The following NKAIN2 variants were observed in gnomAD, a reference collection of about 807,000 sequenced individuals.
NKAIN2 encodes sodium/potassium transporting ATPase interacting 2.
NKAIN2 carries 14 observed loss-of-function variants against 32.6 expected under a neutral mutation model. That is an observed-to-expected ratio of 0.43 (90% confidence interval 0.28 to 0.67). NKAIN2 has a LOEUF of 0.67. NKAIN2 is among the 30% of genes least tolerant of loss of function. NKAIN2 has a pLI of 0.17. For missense variants in NKAIN2, 198 were observed against 258.3 expected (o/e 0.77, Z 1.60); for synonymous variants, 80 against 87.2 (o/e 0.92, Z 0.46).
At chr6:124,128,957 G>A (rs2115002121) in intron 1 of NKAIN2, among the ~76,000 whole-genome samples, 1 of 152,234 alleles carries the variant, frequency 6.6e-6, no homozygotes. Context: ...AATACAGCGT[G>A]GTTGTTTCTG....
At chr6:124,087,131 A>G (rs1480119562) in intron 1 of NKAIN2, among the ~76,000 whole-genome samples, 1 of 151,986 alleles carries the variant, frequency 6.6e-6, no homozygotes, top group Non-Finnish European at 1.5e-5. Flanking sequence ...GTAAAAATCA[A>G]TTAATGTAAA....
chr6:124,228,086 T>C (rs1792216919), intron 1 of NKAIN2, among the ~76,000 whole-genome samples: 1 of 152,110 alleles, frequency 6.6e-6, no homozygotes, highest in African/African-American at 2.4e-5. Flanking sequence ...CTTATAAAGG[T>C]ACTAAACTCA....
chr6:124,464,395 A>G (rs1307963386), intron 3 of NKAIN2, among the ~76,000 whole-genome samples: 1 of 150,412 alleles, frequency 6.6e-6, no homozygotes, highest in Non-Finnish European at 1.5e-5. Context: ...CATTTTTTTT[A>G]CTTTCATGGT....
chr6:124,183,920 T>G (rs1304143496), intron 1 of NKAIN2, among the ~76,000 whole-genome samples: 2 of 152,134 alleles, frequency 1.3e-5, no homozygotes, highest in African/African-American at 4.8e-5. Flanking sequence ...GAAATAGTGA[T>G]GAATAGAGAC....
At chr6:124,268,571 A>G (rs2626091) in intron 1 of NKAIN2, among the ~76,000 whole-genome samples, 66,081 of 151,824 alleles carry the variant, frequency 0.44, 16,776 homozygotes, top group African/African-American at 0.7. Flanking sequence ...ATTAGCTGGT[A>G]TTTTGTGTTG....
intron 1 of NKAIN2, among the ~76,000 whole-genome samples, chr6:123,973,308 A>G (rs1056622505): frequency 6.6e-6 from 1 of 152,166 alleles, no homozygotes; most frequent in African/African-American, 2.4e-5. Context: ...TAAAGAAAAC[A>G]TTCCTAAAAG....
intron 2 of NKAIN2, among the ~76,000 whole-genome samples, chr6:124,349,115 A>G (rs1798592332): frequency 6.6e-6 from 1 of 152,098 alleles, no homozygotes; most frequent in Non-Finnish European, 1.5e-5. Context: ...TTATCAGAGG[A>G]CCAGGATAAT....
At chr6:124,488,003 C>T (rs1349722557) in intron 3 of NKAIN2, among the ~76,000 whole-genome samples, 1 of 151,964 alleles carries the variant, frequency 6.6e-6, no homozygotes, top group Non-Finnish European at 1.5e-5. Context: ...GTGTTAATGA[C>T]AATGTCGGAT....
At chr6:124,821,936 A>T (rs1781411481) in intron 6 of NKAIN2, among the ~76,000 whole-genome samples, 1 of 152,192 alleles carries the variant, frequency 6.6e-6, no homozygotes, top group African/African-American at 2.4e-5. Flanking sequence ...ATGATTATCA[A>T]CGGGTTTTCC....
In NKAIN2 at chr6:124,269,437, C is replaced by CTTTCTTTCTTTTTCT. The variant is rs796743525; in HGVS notation, c.55-13557_55-13556insTTCTTTTCTTTCTTT. Among the ~76,000 whole-genome samples the CTTTCTTTCTTTTTCT allele has an allele frequency of 5.4e-3, 288 of 53,392 alleles. No homozygotes were observed. In the African/African-American group the frequency reaches 0.064, roughly 12 times the overall value. The allele number at this position is 53,392 out of a possible 152,430, so 35.0% of individuals were successfully genotyped here. ...TCTGGTGGCAATTTCTTTTTCTTTT[C>CTTTCTTTCTTTTTCT]TTTCTTTCTTTCTTTCTTTTTTTTT... On this transcript the variant is annotated intron_variant, in intron 1 of 6. Coordinates refer to ENST00000368417, the MANE Select transcript of NKAIN2 (RefSeq NM_001040214.3).
At chr6:124,578,652 C>A (rs761364648) in intron 3 of NKAIN2, among the ~76,000 whole-genome samples, 9 of 152,010 alleles carry the variant, frequency 5.9e-5, no homozygotes, top group Non-Finnish European at 1.3e-4. Context: ...AACTCATCAC[C>A]CTGAAGGGAA....
At chr6:124,421,671 G>T (rs928292919) in intron 3 of NKAIN2, among the ~76,000 whole-genome samples, 1 of 152,168 alleles carries the variant, frequency 6.6e-6, no homozygotes, top group African/African-American at 2.4e-5. Flanking sequence ...GAAATGCAGT[G>T]TGAGTTCACA....
At chr6:124,598,624 C>T (rs1459170753) in intron 3 of NKAIN2, among the ~76,000 whole-genome samples, 6 of 150,002 alleles carry the variant, frequency 4.0e-5, no homozygotes, top group South Asian at 2.1e-4. Flanking sequence ...GGAAAGCCAC[C>T]GAGGAGGGCC....
At chr6:124,579,927 A>G (rs1220856341) in intron 3 of NKAIN2, among the ~76,000 whole-genome samples, 1 of 152,238 alleles carries the variant, frequency 6.6e-6, no homozygotes, top group Non-Finnish European at 1.5e-5. Context: ...GTGGCATCAC[A>G]TATTTAAAGT....
At chr6:124,003,739 G>T (rs1779966013) in intron 1 of NKAIN2, among the ~76,000 whole-genome samples, 1 of 152,106 alleles carries the variant, frequency 6.6e-6, no homozygotes, top group Non-Finnish European at 1.5e-5. Context: ...GCTACAGAGG[G>T]GAGGAAGACA....
chr6:123,882,964 G>GGT (rs68068463), intron 1 of NKAIN2, among the ~76,000 whole-genome samples: 2,176 of 150,196 alleles, frequency 0.014, 49 homozygotes, highest in African/African-American at 0.048. Flanking sequence ...TTTGGTCTGG[G>GGT]GTGTGTGTGT....
At chr6:124,113,132 T>A (rs1785459655) in intron 1 of NKAIN2, among the ~76,000 whole-genome samples, 1 of 152,100 alleles carries the variant, frequency 6.6e-6, no homozygotes, top group Non-Finnish European at 1.5e-5. Flanking sequence ...GACACCTCTA[T>A]CAGTCTTTAC....
chr6:124,620,858 AT>A (rs1447906350), intron 3 of NKAIN2, among the ~76,000 whole-genome samples: 15 of 152,346 alleles, frequency 9.8e-5, no homozygotes, highest in African/African-American at 3.1e-4. Flanking sequence ...ACTTGCAACA[AT>A]TTGCCAGAGG....
At position 124,283,156 on chromosome 6, in the gene NKAIN2, C is replaced by T. The variant is rs1795383005; in HGVS notation, c.192+14C>T. On this transcript the variant is annotated intron_variant, in intron 2 of 6. Transcript: ENST00000368417. ...TACATAACAGGAGTAAGTACATTTTCTGCCTTTTAAAAATCTTATTGAACT... is the reference window on the plus strand; with the variant it reads ...TACATAACAGGAGTAAGTACATTTTTTGCCTTTTAAAAATCTTATTGAACT... The T allele has an allele frequency of 1.3e-6, 2 of 1,588,500 alleles. No homozygotes were observed. The highest frequency in any genetic ancestry group is 2.7e-5 in the African/African-American group (2 of 74,492).
Sources: allele counts gnomAD v4.1 joint callset (sites outside exome capture counted in the v4.1 genomes callset), GRCh38; gene constraint gnomAD v4.1.1; transcripts MANE v1.5; gene names NCBI Gene and HGNC (gene_info 2026-07-23, HGNC 2026-07-21).